TALDO1: variants seen among roughly 807,000 people sequenced by gnomAD.
TALDO1 encodes the protein transaldolase.
In TALDO1, 29 loss-of-function variants were observed where a neutral mutation model predicts 38.1. That is an observed-to-expected ratio of 0.76 (90% CI 0.57 to 1.04). The LOEUF is 1.04. Ranked by LOEUF, TALDO1 falls within the 50% of genes least tolerant of loss-of-function variation. TALDO1 has a pLI of 0.00. For synonymous variants in TALDO1, 207 were observed against 176.8 expected (o/e 1.17, Z -1.36); for missense variants, 499 against 438.1 (o/e 1.14, Z -1.24).
At position 764,806 on chromosome 11, in the gene TALDO1, T is replaced by C. The variant is rs1484555685; in HGVS notation, c.982-7T>C. The C allele has an allele frequency of 6.2e-7, 1 of 1,614,176 alleles. No homozygotes were observed. Reference sequence around the variant, plus strand: ...GGAGACACAGCTCGTGCTCTGTTTGTTTCTAGGAACGAATGTTCAATGCAG... The same window carrying C: ...GGAGACACAGCTCGTGCTCTGTTTGCTTCTAGGAACGAATGTTCAATGCAG... On this transcript the variant is annotated splice_region_variant and splice_polypyrimidine_tract_variant and intron_variant, in intron 7 of 7. Coordinates refer to ENST00000319006, the MANE Select transcript of TALDO1 (RefSeq NM_006755.2).
chr11:747,628 C>CCGG (rs1564988641), intron 1 of TALDO1, 50 bp downstream of exon 1: 2 of 1,461,728 alleles, frequency 1.4e-6, no homozygotes, highest in African/African-American at 2.9e-5. Context: ...TCCAGAGGCC[C>CCGG]CGGCGCCCCG....
chr11:763,189 GCCCCGCCC>G (rs1862971719), intron 4 of TALDO1, among the ~76,000 whole-genome samples, 147 bp from the exon 5 acceptor site: 2 of 104,028 alleles, frequency 1.9e-5, no homozygotes, highest in African/African-American at 4.0e-5. Context: ...GCATTCACCT[GCCCCGCCC>G]TCACCTGCCC....
Position 763,499 on chromosome 11 carries a change from A to C in TALDO1, c.617A>C (p.Tyr206Ser). Residue 206 changes from tyrosine (Y) to serine (S), a missense_variant, in exon 5 of 8, where the codon TAT becomes TCT. Physicochemically the swap from Tyr to Ser is moderately radical, Grantham distance 144. Coordinates refer to ENST00000319006, the MANE Select transcript of TALDO1 (RefSeq NM_006755.2). ...GTGGCAAACACCGACAAGAAATCCT[A>C]TGAGCCCCTGGAAGACCCTGGTGAG... is the stretch of plus-strand genomic sequence containing the variant. Reference protein sequence around the residue: ...WHVANTDKKSYEPLEDPGVKS... With the variant: ...WHVANTDKKSSEPLEDPGVKS... 1 of 1,612,976 alleles carries C rather than the reference A, an allele frequency of 6.2e-7. No individual in the cohort carries two copies. The highest frequency in any genetic ancestry group is 8.5e-7 in the Non-Finnish European group (1 of 1,179,656).
chr11:753,705 C>T (rs1862788107), intron 1 of TALDO1, among the ~76,000 whole-genome samples: 2 of 151,942 alleles, frequency 1.3e-5, no homozygotes, highest in South Asian at 4.2e-4. Flanking sequence ...GCCTGGGCAA[C>T]AGTGCAAGAC....
At chr11:760,443 C>G in intron 4 of TALDO1, 190 bp downstream of exon 4, 1 of 764,594 alleles carries the variant, frequency 1.3e-6, no homozygotes, top group Non-Finnish European at 2.1e-6. Flanking sequence ...CCAGCTCCCT[C>G]ACTTGCTGGT....
rs765709734 is a variant in TALDO1 at position 747,565 on chromosome 11, G to C, written c.84G>C (p.Thr28=). ...AGTTCACCACCGTGGTGGCCGACAC[G>C]GGCGACTTCCACGGTGAGGACGGCG... The part of the protein sequence containing the change: ...LKQFTTVVAD[T]GDFHAIDEYK... The change falls in exon 1 of 8, where the codon ACG becomes ACC. Residue 28 remains threonine, a synonymous_variant. Coordinates refer to ENST00000319006, the MANE Select transcript of TALDO1 (RefSeq NM_006755.2). 2 of 1,584,488 alleles carry C rather than the reference G, an allele frequency of 1.3e-6. No individual in the cohort carries two copies. The highest frequency in any genetic ancestry group is 1.2e-5 in the South Asian group (1 of 86,722).
At chr11:747,608 G>T (rs1358801458) in intron 1 of TALDO1, 30 bp downstream of exon 1, 2 of 1,535,584 alleles carry the variant, frequency 1.3e-6, no homozygotes, top group Non-Finnish European at 1.8e-6. Context: ...CGGGCGCGGC[G>T]CAAGCGCCCT....
At position 763,387 on chromosome 11, in the gene TALDO1, C is replaced by A; in HGVS notation, c.505C>A (p.Leu169Ile). Residue 169 changes from leucine to isoleucine, a missense_variant, in exon 5 of 8, where the codon CTC (leucine) becomes ATC (isoleucine). Leu to Ile is a conservative substitution (Grantham distance 5). Coordinates refer to ENST00000319006, the MANE Select transcript of TALDO1 (RefSeq NM_006755.2). ...QHGIHCNMTL[L>I]FSFAQAVACA... ...CGGCATCCACTGCAACATGACGTTA[C>A]TCTTCTCCTTCGCCCAGGCTGTGGC... The A allele has an allele frequency of 6.2e-7, 1 of 1,612,762 alleles. No individual in the cohort carries two copies. The highest frequency in any genetic ancestry group is 1.1e-5 in the South Asian group (1 of 91,008).
Position 747,600 on chromosome 11 carries a change from G to C in TALDO1, c.97+22G>C, listed in dbSNP as rs1440134556. The C allele has an allele frequency of 3.2e-6, 5 of 1,548,418 alleles. No homozygotes were observed. In the South Asian group the frequency reaches 4.8e-5, roughly 15 times the overall value. On this transcript the variant is annotated intron_variant, in intron 1 of 7. Transcript: ENST00000319006. ...CACGGTGAGGACGGCGCGGAGCCCG[G>C]GCGCGGCGCAAGCGCCCTCCAGAGG...
Position 763,372 on chromosome 11 carries a change from T to TGCAACATGAC in TALDO1, c.492_501dup (p.Leu168GlnfsTer31). ...GCTCGAGGAGCAGCACGGCATCCAC[T>TGCAACATGAC]GCAACATGACGTTACTCTTCTCCTT... On this transcript the variant is annotated frameshift_variant, in exon 5 of 8. Transcript: ENST00000319006. LOFTEE classifies it high-confidence loss of function. 1 of 1,587,980 alleles carries TGCAACATGAC rather than the reference T, an allele frequency of 6.3e-7. No homozygotes were observed. Among genetic ancestry groups the TGCAACATGAC allele is most frequent in the Non-Finnish European group, 8.6e-7 (1 of 1,164,570 alleles).
chr11:747,538 G>C lies in TALDO1; in HGVS notation c.57G>C (p.Lys19Asn). ...TGGAGTCCGCGCTGGACCAGCTCAA[G>C]CAGTTCACCACCGTGGTGGCCGACA... Reference protein sequence around the residue: ...QRMESALDQLKQFTTVVADTG... With the variant: ...QRMESALDQLNQFTTVVADTG... The change falls in exon 1 of 8, where the codon AAG becomes AAC. Residue 19 changes from lysine (K) to asparagine (N), a missense_variant. Coordinates refer to ENST00000319006, the MANE Select transcript of TALDO1 (RefSeq NM_006755.2). 6.3e-7 allele frequency: 1 copy of C among 1,598,848 alleles called. No homozygotes were observed. Among genetic ancestry groups the C allele is most frequent in the Non-Finnish European group, 8.5e-7 (1 of 1,174,468 alleles).
rs1216701418 is a variant in TALDO1 at position 755,928 on chromosome 11, C to T, written c.147C>T (p.Ile49=). Reference sequence around the variant, plus strand: ...ATGCTACCACCAACCCGTCCCTGATCCTGGCCGCAGCACAGATGCCCGCTT... The same window carrying T: ...ATGCTACCACCAACCCGTCCCTGATTCTGGCCGCAGCACAGATGCCCGCTT... ...PQDATTNPSL[I]LAAAQMPAYQ... is the part of the protein sequence containing the mutation. The change falls in exon 2 of 8, where the codon ATC becomes ATT. Residue 49 remains isoleucine, a synonymous_variant. Transcript: ENST00000319006. 1 of 1,614,190 alleles carries T rather than the reference C, an allele frequency of 6.2e-7. No homozygotes were observed. Among genetic ancestry groups the T allele is most frequent in the Admixed American group, 1.7e-5 (1 of 60,024 alleles).
intron 4 of TALDO1, among the ~76,000 whole-genome samples, chr11:761,950 C>T (rs1862932099): frequency 6.6e-6 from 1 of 152,050 alleles, no homozygotes. Context: ...TTGTGCCTGG[C>T]CTCATTTGTG....
intron 1 of TALDO1, among the ~76,000 whole-genome samples, chr11:750,963 GCTT>G (rs1258683136): frequency 2.6e-5 from 4 of 152,162 alleles, no homozygotes; most frequent in Non-Finnish European, 5.9e-5. Flanking sequence ...AGCCTCGTTG[GCTT>G]CTTTGAATTC....
intron 1 of TALDO1, chr11:752,571 A>G (rs1358171254): frequency 1.3e-5 from 2 of 152,192 alleles, no homozygotes; most frequent in African/African-American, 4.8e-5. Context: ...TCTCTCCAGT[A>G]GAGTCTCCAT....
chr11:758,447 A>G (rs968259257), intron 2 of TALDO1, among the ~76,000 whole-genome samples: 12 of 151,234 alleles, frequency 7.9e-5, no homozygotes, highest in Middle Eastern at 3.4e-3. Context: ...GTCTTGGGGG[A>G]AAAAAAAAAG....
rs1590068806 is a variant in TALDO1 at position 755,683 on chromosome 11, C to G, written c.98-196C>G. 24 of 705,920 alleles carry G rather than the reference C, an allele frequency of 3.4e-5. No homozygotes were observed. The East Asian group carries it at 6.7e-4, about 20-fold the overall frequency. The allele number at this position is 705,920 out of a possible 1,614,324, so 43.7% of individuals were successfully genotyped here. On this transcript the variant is annotated intron_variant, in intron 1 of 7. Coordinates refer to ENST00000319006, the MANE Select transcript of TALDO1 (RefSeq NM_006755.2). ...CGCTGGGCACTTAGTGTTTGTTGTT[C>G]CATCATTATGCAAACAGCCGCCTCT...
intron 2 of TALDO1, among the ~76,000 whole-genome samples, chr11:757,870 T>G (rs573827887): frequency 6.6e-6 from 1 of 152,192 alleles, no homozygotes; most frequent in Non-Finnish European, 1.5e-5. Context: ...GGGGCAGTGG[T>G]GCACGCCTGT....
At chr11:764,000 G>A (rs986013778) in intron 6 of TALDO1, 56 bp downstream of exon 6, 11 of 1,579,266 alleles carry the variant, frequency 7.0e-6, no homozygotes, top group Non-Finnish European at 9.4e-6. Flanking sequence ...GCACTGCCGT[G>A]CCACGCTGCC....
Sources: allele counts gnomAD v4.1 joint callset (sites outside exome capture counted in the v4.1 genomes callset), GRCh38; gene constraint gnomAD v4.1.1; transcripts MANE v1.5; gene names NCBI Gene and HGNC (gene_info 2026-07-23, HGNC 2026-07-21).